The following FARS2 variants were observed in gnomAD, a reference collection of about 807,000 sequenced individuals.
FARS2 encodes phenylalanine--tRNA ligase, mitochondrial.
In FARS2, 40 loss-of-function variants were observed where a neutral mutation model predicts 46.4. The ratio of observed to expected loss-of-function variants is 0.86; its 90% confidence interval spans 0.67 to 1.12. FARS2 has a LOEUF of 1.12. FARS2 is among the 50% of genes most tolerant of loss of function. The pLI is 0.00. For synonymous variants in FARS2, 234 were observed against 214.9 expected (o/e 1.09, Z -0.78); for missense variants, 513 against 567.9 (o/e 0.90, Z 0.98).
At chr6:5,376,738 C>G (rs901963820) in intron 2 of FARS2, among the ~76,000 whole-genome samples, 14 of 152,154 alleles carry the variant, frequency 9.2e-5, no homozygotes, top group African/African-American at 3.4e-4. Context: ...CAGAATGCAC[C>G]CAATAACAAA....
intron 6 of FARS2, among the ~76,000 whole-genome samples, chr6:5,652,416 A>G (rs906566525): frequency 6.6e-6 from 1 of 152,264 alleles, no homozygotes; most frequent in Non-Finnish European, 1.5e-5. Flanking sequence ...TTAGAAGGGA[A>G]TAAATACCTG....
rs1352228519 is a variant in FARS2 at position 5,613,276 on chromosome 6, C to T, written c.1173C>T (p.Asp391=). Residue 391 remains aspartate, a synonymous_variant, in exon 6 of 7, where the codon GAC becomes GAT. Transcript: ENST00000274680. ...FYDLVRTIGG[D]LVEKVDLIDK... ...ACTTAGTCCGAACAATTGGAGGAGA[C>T]CTGGTGGAAAAGGTTGATCTCATAG... 1 of 1,613,202 alleles carries T rather than the reference C, an allele frequency of 6.2e-7. No homozygotes were observed. The highest frequency in any genetic ancestry group is 8.5e-7 in the Non-Finnish European group (1 of 1,179,680).
At chr6:5,732,697 G>T (rs1020673645) in intron 6 of FARS2, among the ~76,000 whole-genome samples, 6 of 152,250 alleles carry the variant, frequency 3.9e-5, no homozygotes, top group African/African-American at 9.6e-5. Context: ...TCCTGCCATG[G>T]GTCAGCCGGA....
chr6:5,671,218 G>T (rs1003395358), intron 6 of FARS2, among the ~76,000 whole-genome samples: 3 of 152,206 alleles, frequency 2.0e-5, no homozygotes, highest in African/African-American at 7.2e-5. Flanking sequence ...AGAAGCTGAG[G>T]AGGAGGAAGT....
intron 5 of FARS2, among the ~76,000 whole-genome samples, chr6:5,546,452 A>T (rs1024512722): frequency 5.3e-5 from 8 of 151,290 alleles, no homozygotes; most frequent in African/African-American, 1.7e-4. Context: ...GGGTTTCACC[A>T]TGTTGGCCAG....
intron 5 of FARS2, among the ~76,000 whole-genome samples, chr6:5,562,961 G>A (rs1224692953): frequency 2.6e-5 from 4 of 151,560 alleles, no homozygotes; most frequent in African/African-American, 4.9e-5. Flanking sequence ...CTGCCACCAC[G>A]CCCAGCTAAT....
At chr6:5,508,977 T>C (rs1347427025) in intron 4 of FARS2, among the ~76,000 whole-genome samples, 1 of 152,220 alleles carries the variant, frequency 6.6e-6, no homozygotes, top group Non-Finnish European at 1.5e-5. Flanking sequence ...TTTTGAGTTT[T>C]GCGGGCTGGT....
intron 6 of FARS2, among the ~76,000 whole-genome samples, chr6:5,699,145 G>A (rs965567914): frequency 1.3e-5 from 2 of 152,168 alleles, no homozygotes; most frequent in African/African-American, 4.8e-5. Context: ...CCTGTAGAGT[G>A]GCATTGAATG....
At chr6:5,753,726 C>A (rs1321296110) in intron 6 of FARS2, among the ~76,000 whole-genome samples, 1 of 152,162 alleles carries the variant, frequency 6.6e-6, no homozygotes, top group Non-Finnish European at 1.5e-5. Context: ...AAAGACAAAA[C>A]CAAACAGGAT....
At chr6:5,681,358 A>G (rs1039967701) in intron 6 of FARS2, among the ~76,000 whole-genome samples, 9 of 152,272 alleles carry the variant, frequency 5.9e-5, no homozygotes, top group African/African-American at 2.2e-4. Context: ...AAAGAGAAGA[A>G]TATGTGACCT....
At chr6:5,275,952 C>A (rs1766304664) in intron 1 of FARS2, among the ~76,000 whole-genome samples, 1 of 152,006 alleles carries the variant, frequency 6.6e-6, no homozygotes, top group African/African-American at 2.4e-5. Context: ...AGTTAAGAGC[C>A]CCTAGTAGTG....
At chr6:5,652,333 G>A (rs1329215620) in intron 6 of FARS2, among the ~76,000 whole-genome samples, 2 of 152,172 alleles carry the variant, frequency 1.3e-5, no homozygotes, top group Admixed American at 1.3e-4. Context: ...CTGTCTTTCA[G>A]GAAAAGTCCT....
intron 6 of FARS2, among the ~76,000 whole-genome samples, chr6:5,615,227 G>A (rs1775409086): frequency 6.6e-6 from 1 of 152,128 alleles, no homozygotes; most frequent in Non-Finnish European, 1.5e-5. Flanking sequence ...ATTCTTCAGG[G>A]ATCCAGTTAT....
rs763331610 is a variant in FARS2 at position 5,721,338 on chromosome 6, G to GTAT, written c.1218-49952_1218-49951insATT. On this transcript the variant is annotated intron_variant, in intron 6 of 6. Transcript: ENST00000274680. ...ATTTTGTTAGAAAAGGGAAAAGTGT[G>GTAT]TTAATAGACTTTTGAGAAAATTGTG... Among the ~76,000 whole-genome samples the GTAT allele has an allele frequency of 1.3e-4, 20 of 152,300 alleles. 1 individual carries two copies. Among genetic ancestry groups the GTAT allele is most frequent in the Admixed American group, 2.6e-4 (4 of 15,298 alleles).
At chr6:5,591,796 T>G (rs891906880) in intron 5 of FARS2, among the ~76,000 whole-genome samples, 6 of 152,246 alleles carry the variant, frequency 3.9e-5, no homozygotes, top group Non-Finnish European at 5.9e-5. Context: ...AGTACTGTGT[T>G]TGTACTTCAT....
At position 5,679,918 on chromosome 6, in the gene FARS2, T is replaced by G. The variant is rs574108936; in HGVS notation, c.1217+66598T>G. Among the ~76,000 whole-genome samples the G allele has an allele frequency of 2.6e-5, 4 of 151,356 alleles. No individual in the cohort carries two copies. The South Asian group carries it at 6.3e-4, about 24-fold the overall frequency. On this transcript the variant is annotated intron_variant, in intron 6 of 6. Coordinates refer to ENST00000274680, the MANE Select transcript of FARS2 (RefSeq NM_006567.5). ...GAGTGAGATCCTTTTACTTTCCGTTTTACTTCCCGGTTCCTGAGGGCATTA... is the reference window on the plus strand; with the variant it reads ...GAGTGAGATCCTTTTACTTTCCGTTGTACTTCCCGGTTCCTGAGGGCATTA...
chr6:5,463,437 A>G (rs1765353355), intron 4 of FARS2, among the ~76,000 whole-genome samples: 1 of 151,796 alleles, frequency 6.6e-6, no homozygotes, highest in African/African-American at 2.4e-5. Context: ...CATCCATTGC[A>G]TGGGCTGACT....
intron 1 of FARS2, among the ~76,000 whole-genome samples, chr6:5,334,943 G>T (rs1771054312): frequency 6.6e-6 from 1 of 152,156 alleles, no homozygotes; most frequent in African/African-American, 2.4e-5. Flanking sequence ...AGCTCCATGT[G>T]TAGGCAAGCC....
chr6:5,305,486 G>A (rs1407656816), intron 1 of FARS2, among the ~76,000 whole-genome samples: 1 of 152,146 alleles, frequency 6.6e-6, no homozygotes, highest in Non-Finnish European at 1.5e-5. Context: ...CAGGGATAAA[G>A]GAAAGGAAAT....
Sources: allele counts gnomAD v4.1 joint callset (sites outside exome capture counted in the v4.1 genomes callset), GRCh38; gene constraint gnomAD v4.1.1; transcripts MANE v1.5; gene names NCBI Gene and HGNC (gene_info 2026-07-23, HGNC 2026-07-21).